The following PTPRJ variants were observed in gnomAD, a reference collection of about 807,000 sequenced individuals.
PTPRJ encodes the protein protein tyrosine phosphatase receptor type J.
In PTPRJ, 129 loss-of-function variants were observed where a neutral mutation model predicts 141.3. The ratio of observed to expected loss-of-function variants is 0.91; its 90% CI spans 0.79 to 1.06. PTPRJ has a LOEUF of 1.06. Among genes scored for constraint, PTPRJ ranks in the 50% least tolerant of loss-of-function variants. The probability of loss-of-function intolerance (pLI) is 0.00; values close to 1 mark genes in which losing one functional copy is unlikely to be tolerated. For missense variants in PTPRJ, 1,601 were observed against 1,679.7 expected, an observed-to-expected ratio of 0.95 and a Z score of 0.82; for synonymous variants, 610 against 640.5, an observed-to-expected ratio of 0.95 and a Z score of 0.72.
At chr11:48,078,561 A>T (rs1383237266) in intron 1 of PTPRJ, among the ~76,000 whole-genome samples, 1 of 152,138 alleles carries the variant, frequency 6.6e-6, no homozygotes, top group Non-Finnish European at 1.5e-5. Flanking sequence ...GATGGATTTA[A>T]AAGGCGGAGT....
intron 1 of PTPRJ, among the ~76,000 whole-genome samples, chr11:48,073,401 T>G (rs1855313875): frequency 6.6e-6 from 1 of 152,262 alleles, no homozygotes; most frequent in African/African-American, 2.4e-5. Flanking sequence ...CCCATCGTCC[T>G]GCCCTTTGAT....
intron 9 of PTPRJ, among the ~76,000 whole-genome samples, chr11:48,136,764 T>C (rs1421780713): frequency 6.6e-6 from 1 of 152,250 alleles, no homozygotes; most frequent in Non-Finnish European, 1.5e-5. Flanking sequence ...ATGTTAAAAA[T>C]ATATTTGAAA....
At chr11:48,050,285 C>A (rs1166802387) in intron 1 of PTPRJ, among the ~76,000 whole-genome samples, 1 of 152,106 alleles carries the variant, frequency 6.6e-6, no homozygotes, top group African/African-American at 2.4e-5. Context: ...AGGTTCACAG[C>A]AAAATTGAGC....
intron 18 of PTPRJ, among the ~76,000 whole-genome samples, chr11:48,151,459 C>A (rs1199888174): frequency 1.3e-5 from 2 of 150,378 alleles, no homozygotes; most frequent in South Asian, 4.3e-4. Context: ...TTGTAAAGAG[C>A]CTTTTTTTTT....
intron 1 of PTPRJ, among the ~76,000 whole-genome samples, chr11:48,093,336 G>A (rs1855918888): frequency 6.6e-6 from 1 of 152,188 alleles, no homozygotes; most frequent in Non-Finnish European, 1.5e-5. Context: ...AATATTTTGT[G>A]ATATGTTTCA....
At chr11:48,153,728 A>G in intron 18 of PTPRJ, 68 bp from the exon 19 acceptor site, 1 of 1,075,580 alleles carries the variant, frequency 9.3e-7, no homozygotes. Flanking sequence ...TCACTGTCAT[A>G]TGCTATGCTA....
intron 1 of PTPRJ, among the ~76,000 whole-genome samples, chr11:47,988,433 C>T (rs1455460152): frequency 6.6e-6 from 1 of 151,782 alleles, no homozygotes. Context: ...GCAGCCTCTG[C>T]CTCCTGACCT....
chr11:48,089,544 C>T (rs1241984377), intron 1 of PTPRJ, among the ~76,000 whole-genome samples: 1 of 151,308 alleles, frequency 6.6e-6, no homozygotes, highest in African/African-American at 2.4e-5. Context: ...AAAAAAAACC[C>T]ACACACAACA....
chr11:48,134,278 C>T (rs1437360573), intron 8 of PTPRJ, among the ~76,000 whole-genome samples: 1 of 152,148 alleles, frequency 6.6e-6, no homozygotes, highest in East Asian at 1.9e-4. Context: ...TCAGTCTATA[C>T]CACAACTTTC....
intron 1 of PTPRJ, among the ~76,000 whole-genome samples, chr11:48,046,913 T>TATA (rs374032992): frequency 1.4e-3 from 77 of 56,684 alleles, no homozygotes; most frequent in South Asian, 2.8e-3. Flanking sequence ...TATATATATA[T>TATA]TTTTTTTTTT....
At chr11:48,039,534 G>A (rs1255855939) in intron 1 of PTPRJ, among the ~76,000 whole-genome samples, 2 of 150,980 alleles carry the variant, frequency 1.3e-5, no homozygotes, top group Non-Finnish European at 3.0e-5. Flanking sequence ...TGAACACTGT[G>A]GTGTGTGTGT....
At chr11:48,015,859 A>C (rs958712312) in intron 1 of PTPRJ, 15 of 151,916 alleles carry the variant, frequency 9.9e-5, no homozygotes, top group Non-Finnish European at 1.8e-4. Context: ...GTCTCAAAAA[A>C]AAAAAAAAAA....
At chr11:48,016,069 G>A (rs1854943649) in intron 1 of PTPRJ, among the ~76,000 whole-genome samples, 1 of 152,078 alleles carries the variant, frequency 6.6e-6, no homozygotes, top group Non-Finnish European at 1.5e-5. Flanking sequence ...TTGTGTTATG[G>A]GTTCCAGTGG....
intron 1 of PTPRJ, among the ~76,000 whole-genome samples, chr11:48,053,242 AT>A (rs1206420831): frequency 3.4e-5 from 3 of 87,312 alleles, no homozygotes; most frequent in South Asian, 2.5e-4. Context: ...TATATAATAT[AT>A]TTATATAATA....
intron 1 of PTPRJ, among the ~76,000 whole-genome samples, chr11:47,988,819 C>T (rs1444950192): frequency 6.7e-6 from 1 of 149,054 alleles, no homozygotes; most frequent in Non-Finnish European, 1.5e-5. Flanking sequence ...TCCATACCGT[C>T]TCATCTGAAA....
At chr11:48,118,020 C>A (rs1177951461) in intron 3 of PTPRJ, among the ~76,000 whole-genome samples, 1 of 152,162 alleles carries the variant, frequency 6.6e-6, no homozygotes, top group Non-Finnish European at 1.5e-5. Context: ...AATAGAAAAT[C>A]TGAATAATCC....
At chr11:48,085,929 C>T (rs1855694296) in intron 1 of PTPRJ, among the ~76,000 whole-genome samples, 1 of 152,080 alleles carries the variant, frequency 6.6e-6, no homozygotes, top group South Asian at 2.1e-4. Context: ...TGTGCTCCTT[C>T]GTTTGCTCAT....
In PTPRJ at chr11:48,158,438, T is replaced by C. The variant is rs1345731201; in HGVS notation, c.3439-1492T>C. On this transcript the variant is annotated intron_variant, in intron 21 of 24. Coordinates refer to ENST00000418331, the MANE Select transcript of PTPRJ (RefSeq NM_002843.4). This position sits in a 1 kb window ranked among gnomAD's most constrained non-coding sequence, Gnocchi z 4.4. ...TTTTCTGTAACAACCCTGTGAGGTATTATGATTTCATAGATGAGGTAACTG... is the reference window on the plus strand; with the variant it reads ...TTTTCTGTAACAACCCTGTGAGGTACTATGATTTCATAGATGAGGTAACTG... 6.6e-6 allele frequency among the ~76,000 whole-genome samples: 1 copy of C among 152,162 alleles called. No homozygotes were observed. Among genetic ancestry groups the C allele is most frequent in the South Asian group, 2.1e-4 (1 of 4,832 alleles).
intron 1 of PTPRJ, among the ~76,000 whole-genome samples, chr11:48,057,378 A>C (rs2134255511): frequency 6.6e-6 from 1 of 152,324 alleles, no homozygotes; most frequent in East Asian, 1.9e-4. Flanking sequence ...GAACCACTTA[A>C]GAGAGGCACA....
Sources: allele counts gnomAD v4.1 joint callset (sites outside exome capture counted in the v4.1 genomes callset), GRCh38; gene constraint gnomAD v4.1.1; non-coding constraint Gnocchi (gnomAD v3.1); transcripts MANE v1.5; gene names NCBI Gene and HGNC (gene_info 2026-07-23, HGNC 2026-07-21).